ACKR5: variants seen among roughly 807,000 people sequenced by gnomAD.
The protein encoded by ACKR5 is G protein-coupled receptor 182.
At chr12:56,995,113 C>T in the ACKR5 span, 10 of 1,114,978 alleles carry the variant, frequency 9.0e-6, no homozygotes, top group Admixed American at 4.6e-5. The surrounding 1 kb of genome is among the most constrained non-coding windows in gnomAD (Gnocchi z 4.7). Flanking sequence ...CCAAAGCCCC[C>T]GACTCCCTCT....
At chr12:56,996,195 G>C in the ACKR5 span, 1 of 1,614,044 alleles carries the variant, frequency 6.2e-7, no homozygotes, top group East Asian at 2.2e-5. Flanking sequence ...CACTTCCGGG[G>C]CCGGCTCCTG....
the ACKR5 span, chr12:56,996,331 C>G: frequency 6.2e-7 from 1 of 1,614,190 alleles, no homozygotes; most frequent in Non-Finnish European, 8.5e-7. Context: ...CTGCAGCAGC[C>G]CCCCACCCTG....
the ACKR5 span, chr12:56,996,345 C>A: frequency 6.2e-7 from 1 of 1,613,934 alleles, no homozygotes; most frequent in Non-Finnish European, 8.5e-7. Context: ...CACCCTGAGC[C>A]AAGCCTGAGC....
the ACKR5 span, chr12:56,997,178 A>T: frequency 6.6e-6 from 1 of 152,034 alleles, no homozygotes; most frequent in African/African-American, 2.4e-5. Context: ...CTCATAGCTG[A>T]CCTCTTACCA....
At chr12:56,996,129 G>C in the ACKR5 span, 1 of 1,613,962 alleles carries the variant, frequency 6.2e-7, no homozygotes, top group South Asian at 1.1e-5. Flanking sequence ...GTCATTGACT[G>C]CTTCTCCATG....
chr12:56,997,425 G>GAGCT, the ACKR5 span: 1 of 152,248 alleles, frequency 6.6e-6, no homozygotes, highest in Non-Finnish European at 1.5e-5. Flanking sequence ...TCACAGGGCA[G>GAGCT]AGCTCTGACA....
the ACKR5 span, chr12:56,996,615 T>C: frequency 5.4e-6 from 3 of 550,616 alleles, no homozygotes; most frequent in South Asian, 3.3e-5. Context: ...GTTGTACTAT[T>C]TGTCTCGGTC....
At chr12:56,995,332 T>G in the ACKR5 span, 2 of 1,614,246 alleles carry the variant, frequency 1.2e-6, no homozygotes, top group Admixed American at 1.7e-5. The surrounding 1 kb of genome is among the most constrained non-coding windows in gnomAD (Gnocchi z 4.7). Flanking sequence ...ACACTTTGTC[T>G]GAGTGCCACG....
the ACKR5 span, chr12:56,995,771 G>A: frequency 3.7e-6 from 6 of 1,614,102 alleles, no homozygotes; most frequent in Admixed American, 6.7e-5. This position sits in a 1 kb window ranked among gnomAD's most constrained non-coding sequence, Gnocchi z 4.7. Context: ...CCCGCTGCCT[G>A]AGGTGGTCCA....
At chr12:56,995,884 G>C in the ACKR5 span, 7 of 1,612,218 alleles carry the variant, frequency 4.3e-6, no homozygotes, top group South Asian at 6.6e-5. The surrounding 1 kb of genome is among the most constrained non-coding windows in gnomAD (Gnocchi z 4.7). Context: ...CCACCATCCT[G>C]GGCTTCCTGC....
chr12:56,996,642 A>G, the ACKR5 span: 1 of 494,080 alleles, frequency 2.0e-6, no homozygotes, highest in Non-Finnish European at 3.6e-6. Flanking sequence ...TCTAAGGAGC[A>G]ATGCAGAAAA....
At chr12:56,995,719 G>A in the ACKR5 span, 2 of 1,613,768 alleles carry the variant, frequency 1.2e-6, no homozygotes, top group South Asian at 1.1e-5. The surrounding 1 kb of genome is among the most constrained non-coding windows in gnomAD (Gnocchi z 4.7). Flanking sequence ...ACCGAGTGCG[G>A]CGGGCCATGT....
the ACKR5 span, chr12:56,995,937 G>A: frequency 2.5e-6 from 4 of 1,612,408 alleles, no homozygotes; most frequent in Non-Finnish European, 2.5e-6. This position sits in a 1 kb window ranked among gnomAD's most constrained non-coding sequence, Gnocchi z 4.7. Flanking sequence ...CTGACAGCCT[G>A]CCGGCTGCGG....
At chr12:56,995,689 C>T in the ACKR5 span, 70 of 1,613,788 alleles carry the variant, frequency 4.3e-5, no homozygotes, top group Non-Finnish European at 5.3e-5. The surrounding 1 kb of genome is among the most constrained non-coding windows in gnomAD (Gnocchi z 4.7). Flanking sequence ...GCGCCTCCCC[C>T]TCCTGGCAGC....
At chr12:56,998,572 C>A in the ACKR5 span, 3 of 152,248 alleles carry the variant, frequency 2.0e-5, no homozygotes, top group Non-Finnish European at 4.4e-5. Flanking sequence ...TAGACACGGG[C>A]AGGGACCCAC....
the ACKR5 span, chr12:56,996,150 T>C: frequency 6.2e-7 from 1 of 1,614,074 alleles, no homozygotes; most frequent in Admixed American, 1.7e-5. Flanking sequence ...CTGCACTGTG[T>C]CATCAACCCC....
the ACKR5 span, among the ~76,000 whole-genome samples, chr12:56,994,949 T>C: frequency 6.6e-6 from 1 of 151,806 alleles, no homozygotes; most frequent in Non-Finnish European, 1.5e-5. Flanking sequence ...GGGAGAAATG[T>C]TGGTGGACAC....
At chr12:56,995,948 C>G in the ACKR5 span, 1 of 1,612,366 alleles carries the variant, frequency 6.2e-7, no homozygotes, top group Non-Finnish European at 8.5e-7. The surrounding 1 kb of genome is among the most constrained non-coding windows in gnomAD (Gnocchi z 4.7). Flanking sequence ...CCGGCTGCGG[C>G]AGCCAGGACA....
At chr12:56,996,249 G>A in the ACKR5 span, 1 of 1,614,082 alleles carries the variant, frequency 6.2e-7, no homozygotes, top group African/African-American at 1.3e-5. Flanking sequence ...ACCAAGGCGG[G>A]CACATGCGCC....
Sources: gnomAD v4.1 joint callset for allele counts (sites outside exome capture counted in the v4.1 genomes callset) on GRCh38, gnomAD v4.1.1 for gene constraint, Gnocchi (gnomAD v3.1) non-coding constraint, MANE v1.5 for transcripts, NCBI Gene and HGNC (gene_info 2026-07-23, HGNC 2026-07-21) for gene names.